Variants in HDLBP observed in about 807,000 individuals in gnomAD.
HDLBP encodes the protein high density lipoprotein binding protein.
HDLBP carries 30 observed loss-of-function variants against 137.3 expected under a neutral mutation model. The observed-to-expected ratio is 0.22, with a 90% confidence interval of 0.16 to 0.30. HDLBP has a LOEUF of 0.30. Ranked by LOEUF, HDLBP falls within the 10% of genes least tolerant of loss-of-function variation. HDLBP has a pLI of 1.00. For synonymous variants in HDLBP, 606 were observed against 596.0 expected (o/e 1.02, Z -0.24); for missense variants, 1,119 against 1,667.3 (o/e 0.67, Z 5.73).
intron 1 of HDLBP, chr2:241,271,206 CT>C: frequency 1.1e-6 from 1 of 876,986 alleles, no homozygotes; most frequent in Non-Finnish European, 1.4e-6. Context: ...CTCCCAACTA[CT>C]TTTCCCATAG....
rs1248555838 is a variant in HDLBP, at chr2:241,272,930, G to A, written c.-102-4389C>T. 2 of 804,736 alleles carry A rather than the reference G, an allele frequency of 2.5e-6. No individual in the cohort carries two copies. The highest frequency in any genetic ancestry group is 3.0e-6 in the Non-Finnish European group (2 of 665,050). 49.8% of individuals were successfully genotyped at this position (804,736 alleles called of 1,614,324 possible). ...CCGCCCCGCCGCTGGGGTCCCCGCC[G>A]CCCCGGGCCGCCCAGCACCCGGGAG... On this transcript the variant is annotated intron_variant, in intron 1 of 27. Transcript: ENST00000310931. This position sits in a 1 kb window ranked among gnomAD's most constrained non-coding sequence, Gnocchi z 5.6.
intron 15 of HDLBP, 81 bp downstream of exon 15, chr2:241,246,975 C>A (rs1319460754): frequency 6.4e-7 from 1 of 1,574,524 alleles, no homozygotes; most frequent in African/African-American, 1.4e-5. Flanking sequence ...AGGAAGAGTC[C>A]CTCCTAGTCT....
chr2:241,264,124 G>A (rs1183041077), intron 4 of HDLBP, among the ~76,000 whole-genome samples: 3 of 151,980 alleles, frequency 2.0e-5, no homozygotes, highest in Non-Finnish European at 4.4e-5. Flanking sequence ...AGCACTTTGG[G>A]AGGCCGAGGA....
intron 1 of HDLBP, among the ~76,000 whole-genome samples, chr2:241,297,113 T>TC (rs2075208002): frequency 1.8e-5 from 2 of 108,244 alleles, no homozygotes; most frequent in Non-Finnish European, 4.2e-5. Flanking sequence ...GACTTGGACT[T>TC]TTTTTGTTTT....
chr2:241,268,005 C>T, intron 2 of HDLBP: 1 of 969,392 alleles, frequency 1.0e-6, no homozygotes, highest in Non-Finnish European at 1.2e-6. Context: ...CTCCTTCCCT[C>T]TCCCCAGTTC....
At chr2:241,289,943 G>A (rs755178723) in intron 1 of HDLBP, among the ~76,000 whole-genome samples, 15 of 151,802 alleles carry the variant, frequency 9.9e-5, no homozygotes, top group Admixed American at 1.3e-4. Flanking sequence ...CAGAGATAGC[G>A]AGACATAAAA....
rs145397381 is a variant in HDLBP at position 241,249,997 on chromosome 2, GA to G, written c.1373-18del. 1.3e-6 allele frequency: 2 copies of G among 1,593,992 alleles called. No homozygotes were observed. Among genetic ancestry groups the G allele is most frequent in the Admixed American group, 1.8e-5 (1 of 56,092 alleles). On this transcript the variant is annotated intron_variant, in intron 11 of 27. Coordinates refer to ENST00000310931, the MANE Select transcript of HDLBP (RefSeq NM_005336.6). ...TTCTGTTTACTTAGGAACACAAAAGGAAACACATTTAGGACACAGACCAACA... is the reference window on the plus strand; with the variant it reads ...TTCTGTTTACTTAGGAACACAAAAGGAACACATTTAGGACACAGACCAACA...
Position 241,256,170 on chromosome 2 carries a change from T to A in HDLBP, c.873+14A>T. On this transcript the variant is annotated intron_variant, in intron 7 of 27. Transcript: ENST00000310931. The stretch of plus-strand genomic sequence containing the variant: ...TTCCTGCCCATGGGGATTTGCCTCC[T>A]CTAAATCGTGTACCTTCTCCTCATA... 1 of 1,611,232 alleles carries A rather than the reference T, an allele frequency of 6.2e-7. No individual in the cohort carries two copies. The highest frequency in any genetic ancestry group is 1.1e-5 in the South Asian group (1 of 90,988).
chr2:241,267,484 C>T (rs1360808597), intron 2 of HDLBP: 1 of 1,227,174 alleles, frequency 8.1e-7, no homozygotes, highest in Non-Finnish European at 1.2e-6. Flanking sequence ...TGGAACCTGC[C>T]ACCTGCCTGA....
Position 241,272,955 on chromosome 2 carries a change from G to C in HDLBP, c.-102-4414C>G. ...GCCCCGGGCCGCCCAGCACCCGGGA[G>C]GCCCACCCAACTGCAGGCGTGGTTC... On this transcript the variant is annotated intron_variant, in intron 1 of 27. Transcript: ENST00000310931. This position sits in a 1 kb window ranked among gnomAD's most constrained non-coding sequence, Gnocchi z 5.6. The C allele has an allele frequency of 7.5e-6, 7 of 932,504 alleles. No homozygotes were observed. Among genetic ancestry groups the C allele is most frequent in the Non-Finnish European group, 9.0e-6 (7 of 781,326 alleles). The allele number at this position is 932,504 out of a possible 1,614,324, so 57.8% of individuals were successfully genotyped here.
Position 241,240,195 on chromosome 2 carries a change from T to C in HDLBP, c.2170-73A>G, listed in dbSNP as rs866430230. 1 of 1,440,414 alleles carries C rather than the reference T, an allele frequency of 6.9e-7. No individual in the cohort carries two copies. Among genetic ancestry groups the C allele is most frequent in the Non-Finnish European group, 9.8e-7 (1 of 1,021,916 alleles). 89.2% of individuals were successfully genotyped at this position (1,440,414 alleles called of 1,614,324 possible). A position where few individuals can be genotyped will look rare whatever the true frequency, so the allele number is the denominator to read the frequency against. ...CCACAGTGAGGAAGACAAGAGGGTC[T>C]GTAGGACAGCAAGCTCGGGCTCCCC... On this transcript the variant is annotated intron_variant, in intron 17 of 27. Coordinates refer to ENST00000310931, the MANE Select transcript of HDLBP (RefSeq NM_005336.6). This position sits in a 1 kb window ranked among gnomAD's most constrained non-coding sequence, Gnocchi z 5.5.
intron 17 of HDLBP, among the ~76,000 whole-genome samples, chr2:241,242,078 G>A (rs2071290566): frequency 6.6e-6 from 1 of 152,156 alleles, no homozygotes; most frequent in Non-Finnish European, 1.5e-5. Context: ...TTTGACACAA[G>A]GACAACAGCA....
chr2:241,238,683 A>G lies in HDLBP; in HGVS notation c.2715T>C (p.Val905=). The change falls in exon 20 of 28, where the codon GTT becomes GTC. Residue 905 remains valine (V), a synonymous_variant. Coordinates refer to ENST00000310931, the MANE Select transcript of HDLBP (RefSeq NM_005336.6). The surrounding 1 kb of genome is among the most constrained non-coding windows in gnomAD (Gnocchi z 4.9). ...RIQQITRDFS[V]QIKFPDREEN... Reference sequence around the variant, plus strand: ...CCTCTCTGTCTGGGAATTTAATTTGAACACTGAAATCCCGAGTAATCTGCT... The same window carrying G: ...CCTCTCTGTCTGGGAATTTAATTTGGACACTGAAATCCCGAGTAATCTGCT... 1 of 1,582,018 alleles carries G rather than the reference A, an allele frequency of 6.3e-7. No individual in the cohort carries two copies. Among genetic ancestry groups the G allele is most frequent in the Non-Finnish European group, 8.6e-7 (1 of 1,157,840 alleles).
chr2:241,305,479 C>T (rs933998662), intron 1 of HDLBP, among the ~76,000 whole-genome samples: 2 of 152,170 alleles, frequency 1.3e-5, no homozygotes, highest in Non-Finnish European at 2.9e-5. Flanking sequence ...ACCCTAGAGC[C>T]CTTTCAAGGA....
At position 241,272,625 on chromosome 2, in the gene HDLBP, T is replaced by A. The variant is rs985819960; in HGVS notation, c.-102-4084A>T. On this transcript the variant is annotated intron_variant, in intron 1 of 27. Transcript: ENST00000310931. The surrounding 1 kb of genome is among the most constrained non-coding windows in gnomAD (Gnocchi z 5.6). Reference sequence around the variant, plus strand: ...CGGGGGCCGCAGCCTGGGGCCCGGGTGGGGGCCGCGGCACCCGGGCCCCTC... The same window carrying A: ...CGGGGGCCGCAGCCTGGGGCCCGGGAGGGGGCCGCGGCACCCGGGCCCCTC... 3 of 976,552 alleles carry A rather than the reference T, an allele frequency of 3.1e-6. No individual in the cohort carries two copies. The highest frequency in any genetic ancestry group is 6.3e-5 in the Admixed American group (1 of 15,966). 60.5% of individuals were successfully genotyped at this position (976,552 alleles called of 1,614,324 possible).
intron 1 of HDLBP, among the ~76,000 whole-genome samples, chr2:241,298,345 G>A (rs1055808535): frequency 1.5e-4 from 23 of 151,900 alleles, no homozygotes; most frequent in Admixed American, 1.2e-3. Context: ...CTGCCTGGGC[G>A]ACAGAGTGAG....
intron 1 of HDLBP, among the ~76,000 whole-genome samples, chr2:241,314,616 G>A (rs1241256382): frequency 6.6e-6 from 1 of 152,182 alleles, no homozygotes; most frequent in East Asian, 1.9e-4. Context: ...TGTTTAATAA[G>A]CAAAGCCCAA....
In HDLBP at chr2:241,230,198, A is replaced by G. The variant is rs1191500707; in HGVS notation, c.3546T>C (p.Asn1182=). 1.9e-6 allele frequency: 3 copies of G among 1,613,412 alleles called. No individual in the cohort carries two copies. Among genetic ancestry groups the G allele is most frequent in the South Asian group, 2.2e-5 (2 of 91,058 alleles). Residue 1182 remains asparagine (N), a synonymous_variant, in exon 26 of 28, where the codon AAT becomes AAC. Transcript: ENST00000310931. This position sits in a 1 kb window ranked among gnomAD's most constrained non-coding sequence, Gnocchi z 5.0. The part of the protein sequence containing the change: ...NCVTVTGLPE[N]VEEAIDHILN... The stretch of plus-strand genomic sequence containing the variant: ...GGATGTGGTCGATGGCTTCCTCCAC[A>G]TTCTCTGGGAGCCCCGTCACAGTGA...
At chr2:241,271,582 TG>T (rs751952396) in intron 1 of HDLBP, among the ~76,000 whole-genome samples, 5 of 152,236 alleles carry the variant, frequency 3.3e-5, no homozygotes, top group Admixed American at 6.5e-5. Flanking sequence ...TTGATTCCCT[TG>T]TGATAAGTTT....
Sources: allele counts gnomAD v4.1 joint callset (sites outside exome capture counted in the v4.1 genomes callset), GRCh38; gene constraint gnomAD v4.1.1; non-coding constraint Gnocchi (gnomAD v3.1); transcripts MANE v1.5; gene names NCBI Gene and HGNC (gene_info 2026-07-23, HGNC 2026-07-21).